TLR6: variants seen among roughly 807,000 people sequenced by gnomAD.
The protein encoded by TLR6 is toll like receptor 6.
TLR6 carries 9 observed loss-of-function variants against 16.1 expected under a neutral mutation model. The ratio of observed to expected loss-of-function variants is 0.56; its 90% CI spans 0.34 to 0.98. TLR6 has a LOEUF of 0.98. TLR6 is among the 50% of genes least tolerant of loss of function. TLR6 has a pLI of 0.02. For missense variants in TLR6, 786 were observed against 921.0 expected (o/e 0.85, Z 1.90); for synonymous variants, 340 against 338.6 (o/e 1.00, Z -0.04).
At chr4:38,850,925 A>G (rs1041139805) in intron 1 of TLR6, among the ~76,000 whole-genome samples, 1 of 152,096 alleles carries the variant, frequency 6.6e-6, no homozygotes, top group African/African-American at 2.4e-5. Flanking sequence ...GAGACACAAC[A>G]AAAAAAGAGA....
At chr4:38,855,364 G>C (rs1052674995) in intron 1 of TLR6, among the ~76,000 whole-genome samples, 4 of 152,066 alleles carry the variant, frequency 2.6e-5, no homozygotes, top group Non-Finnish European at 5.9e-5. Context: ...CTGAATTATA[G>C]ATGAATTTAA....
intron 1 of TLR6, among the ~76,000 whole-genome samples, chr4:38,849,077 C>A (rs1306269124): frequency 6.7e-6 from 1 of 150,162 alleles, no homozygotes; most frequent in Admixed American, 6.7e-5. Context: ...AACAGCTGAT[C>A]TCTCGGCAGA....
At chr4:38,853,641 G>A (rs1189282408) in intron 1 of TLR6, among the ~76,000 whole-genome samples, 1 of 152,106 alleles carries the variant, frequency 6.6e-6, no homozygotes, top group Non-Finnish European at 1.5e-5. Flanking sequence ...AAGAGACAGG[G>A]TTTTGTCCCA....
chr4:38,855,420 A>G (rs1002234941), intron 1 of TLR6, among the ~76,000 whole-genome samples: 9 of 152,294 alleles, frequency 5.9e-5, no homozygotes, highest in African/African-American at 2.2e-4. Flanking sequence ...TCTCATTTTG[A>G]ATGTCCTTTA....
upstream of TLR6, among the ~76,000 whole-genome samples, chr4:38,861,514 T>A (rs1206699831): frequency 6.6e-6 from 1 of 152,208 alleles, no homozygotes; most frequent in Non-Finnish European, 1.5e-5. Flanking sequence ...ATCCTCTTCA[T>A]TATTCTTCTG....
upstream of TLR6, among the ~76,000 whole-genome samples, chr4:38,859,765 C>T (rs372587544): frequency 1.4e-4 from 21 of 151,762 alleles, no homozygotes; most frequent in East Asian, 3.5e-3. Flanking sequence ...AGGGTTTTGC[C>T]ATGTCGCTCA....
chr4:38,828,509 G>A lies in TLR6; in HGVS notation c.965C>T (p.Thr322Ile), dbSNP rs200622535. The A allele has an allele frequency of 3.4e-4, 549 of 1,614,020 alleles. No homozygotes were observed. Among genetic ancestry groups the A allele is most frequent in the Non-Finnish European group, 4.3e-4 (502 of 1,180,012 alleles). The change falls in exon 2 of 2, where the codon ACA (threonine) becomes ATA (isoleucine). Residue 322 changes from threonine (T) to isoleucine (I), a missense_variant. Transcript: ENST00000436693. The stretch of plus-strand genomic sequence containing the variant: ...CTCAGAAAACACGGTGTACAAAGCT[G>A]TCTGTGAAAACAGAAAAACTTGGTT...
chr4:38,828,012 G>A, exon 2 of TLR6: 1 of 1,614,092 alleles, frequency 6.2e-7, no homozygotes, highest in Non-Finnish European at 8.5e-7. Context: ...CATCCAGGAA[G>A]GTCAGTTAAA....
intron 1 of TLR6, among the ~76,000 whole-genome samples, chr4:38,850,038 C>T (rs896477244): frequency 2.6e-5 from 4 of 152,186 alleles, no homozygotes; most frequent in African/African-American, 9.7e-5. Flanking sequence ...TCTCTCAGAC[C>T]ATGGTGCAAT....
chr4:38,830,623 A>G (rs752501084), intron 1 of TLR6, among the ~76,000 whole-genome samples: 22 of 152,024 alleles, frequency 1.4e-4, no homozygotes, highest in Non-Finnish European at 2.6e-4. Context: ...GCTGAGTGGG[A>G]GGATTGTTTG....
At chr4:38,864,379 C>T in the TLR6 span, among the ~76,000 whole-genome samples, 2 of 152,140 alleles carry the variant, frequency 1.3e-5, no homozygotes, top group Non-Finnish European at 2.9e-5. Context: ...TAATGAAGGG[C>T]GACTCAGCAA....
exon 2 of TLR6, chr4:38,827,983 A>G: frequency 1.9e-6 from 3 of 1,614,120 alleles, no homozygotes; most frequent in Non-Finnish European, 2.5e-6. Context: ...TCAATACAGA[A>G]AGGCTGCTAA....
At chr4:38,856,709 T>C (rs1713005620) in intron 1 of TLR6, 52 bp downstream of exon 1, 1 of 152,266 alleles carries the variant, frequency 6.6e-6, no homozygotes, top group Admixed American at 6.5e-5. Context: ...ACTTGCTTAC[T>C]TGAAGCACCT....
At chr4:38,841,332 T>G (rs1261009273) in intron 1 of TLR6, among the ~76,000 whole-genome samples, 1 of 152,230 alleles carries the variant, frequency 6.6e-6, no homozygotes, top group African/African-American at 2.4e-5. Context: ...GGCTCATCTC[T>G]GTAATCCCAG....
chr4:38,839,621 T>C (rs1248522896), intron 1 of TLR6, among the ~76,000 whole-genome samples: 2 of 152,172 alleles, frequency 1.3e-5, no homozygotes, highest in African/African-American at 2.4e-5. Flanking sequence ...GGTTAACAAA[T>C]CCATTTCTCT....
intron 1 of TLR6, among the ~76,000 whole-genome samples, chr4:38,838,414 A>C (rs1287873618): frequency 6.6e-6 from 1 of 152,266 alleles, no homozygotes; most frequent in African/African-American, 2.4e-5. Context: ...CCATTCAGCC[A>C]TTTAAAATAA....
At chr4:38,826,959 TTTG>T (rs1378797140) in exon 2 of TLR6, 2 of 815,706 alleles carry the variant, frequency 2.5e-6, no homozygotes, top group African/African-American at 3.5e-5. Flanking sequence ...AAACATTGTT[TTTG>T]TTAAGTCTTT....
In TLR6 at chr4:38,842,701, C is replaced by T. The variant is rs142952022; in HGVS notation, c.-64-13164G>A. 3.0e-3 allele frequency among the ~76,000 whole-genome samples: 456 copies of T among 152,362 alleles called. 2 individuals carry two copies. The highest frequency in any genetic ancestry group is 9.9e-3 in the African/African-American group (410 of 41,574). On this transcript the variant is annotated intron_variant, in intron 1 of 1. Transcript: ENST00000436693. ...ACAAGTCTCCATGGCCACCCAGCTC[C>T]GACAGGGGCATCCTGGCCGCCTGTC...
intron 1 of TLR6, among the ~76,000 whole-genome samples, chr4:38,848,069 C>T (rs1263519000): frequency 1.3e-5 from 2 of 152,198 alleles, no homozygotes; most frequent in African/African-American, 4.8e-5. Context: ...TGGCCAGGTA[C>T]CCCTCTGAGA....
Sources: allele counts gnomAD v4.1 joint callset (sites outside exome capture counted in the v4.1 genomes callset), GRCh38; gene constraint gnomAD v4.1.1; transcripts MANE v1.5; gene names NCBI Gene and HGNC (gene_info 2026-07-23, HGNC 2026-07-21).